The following DHX34 variants were observed in gnomAD, a reference collection of about 807,000 sequenced individuals.
DHX34 encodes DExH-box helicase 34.
In DHX34, 96 loss-of-function variants were observed where a neutral mutation model predicts 111.1. That is an observed-to-expected ratio of 0.86 (90% confidence interval 0.73 to 1.02). DHX34 has a LOEUF of 1.02. Among genes scored for constraint, DHX34 ranks in the 50% least tolerant of loss-of-function variants. DHX34 has a pLI of 0.00. For synonymous variants in DHX34, 688 were observed against 670.4 expected (o/e 1.03, Z -0.41); for missense variants, 1,560 against 1,579.9 (o/e 0.99, Z 0.21).
intron 12 of DHX34, 148 bp downstream of exon 12, chr19:47,376,708 G>T: frequency 7.0e-7 from 1 of 1,430,202 alleles, no homozygotes. Flanking sequence ...CCAGGGCCAG[G>T]CCTCCCTGGG....
intron 7 of DHX34, among the ~76,000 whole-genome samples, chr19:47,371,073 C>T (rs968174424): frequency 5.3e-5 from 8 of 152,228 alleles, no homozygotes; most frequent in African/African-American, 1.9e-4. Flanking sequence ...CGGCGAAAGG[C>T]TCTGTGGACT....
In DHX34 at chr19:47,382,196, C is replaced by G; in HGVS notation, c.*83C>G. The G allele has an allele frequency of 6.4e-7, 1 of 1,560,346 alleles. No homozygotes were observed. The highest frequency in any genetic ancestry group is 8.7e-7 in the Non-Finnish European group (1 of 1,155,434). On this transcript the variant is annotated 3_prime_UTR_variant, in exon 17 of 17. Coordinates refer to ENST00000328771, the MANE Select transcript of DHX34 (RefSeq NM_014681.6). Reference sequence around the variant, plus strand: ...TAGGGGCAGGACTCTTGCCTGAACCCCCAGCCTGGGCTTAGCCCTGTGGTC... The same window carrying G: ...TAGGGGCAGGACTCTTGCCTGAACCGCCAGCCTGGGCTTAGCCCTGTGGTC...
Position 47,357,927 on chromosome 19 carries a change from G to A in DHX34, c.1079G>A (p.Arg360Gln), listed in dbSNP as rs369619890. 20 of 1,613,898 alleles carry A rather than the reference G, an allele frequency of 1.2e-5. No homozygotes were observed. The African/African-American group carries it at 1.6e-4, about 13-fold the overall frequency. Reference protein sequence around the residue: ...TTSKSEKLDPRPFLRVLESID... With the variant: ...TTSKSEKLDPQPFLRVLESID... ...TCCAAGTCAGAGAAGCTGGACCCGC[G>A]GCCTTTCCTGAGGGTGCTGGAGTCC... The change falls in exon 4 of 17, where the codon CGG (arginine) becomes CAG (glutamine). Residue 360 changes from arginine (R) to glutamine (Q), a missense_variant. Physicochemically the swap from Arg to Gln is conservative, Grantham distance 43. Coordinates refer to ENST00000328771, the MANE Select transcript of DHX34 (RefSeq NM_014681.6).
At chr19:47,371,067 G>A (rs777893968) in intron 7 of DHX34, among the ~76,000 whole-genome samples, 122 of 152,358 alleles carry the variant, frequency 8.0e-4, no homozygotes, top group Middle Eastern at 6.8e-3. Context: ...GTGTGCCGGC[G>A]AAAGGCTCTG....
chr19:47,379,825 C>A lies in DHX34; in HGVS notation c.2822C>A (p.Ala941Glu), dbSNP rs139543869. The change falls in exon 14 of 17, where the codon GCG becomes GAG. Residue 941 changes from alanine (A) to glutamate (E), a missense_variant. Ala to Glu is a moderately radical substitution (Grantham distance 107). Transcript: ENST00000328771. ...AGTGAAAGTGCCATCCGACTCCTGG[C>A]GGCTTCCCTGCGGCTCCGTGCCCGC... ...ADSESAIRLL[A>E]ASLRLRARWE... 118 of 1,613,676 alleles carry A rather than the reference C, an allele frequency of 7.3e-5. No individual in the cohort carries two copies. In the Middle Eastern group the frequency reaches 8.3e-4, roughly 11 times the overall value.
rs1176038484 is a variant in DHX34 at position 47,375,433 on chromosome 19, C to T, written c.2065-33C>T. On this transcript the variant is annotated intron_variant, in intron 9 of 16. Transcript: ENST00000328771. ...GAGTCCAGAGCCCACTGAGTCTGCC[C>T]TGAGGCCCTCACCCCTACCCACCTG... 1.9e-6 allele frequency: 3 copies of T among 1,554,726 alleles called. No individual in the cohort carries two copies. The South Asian group carries it at 3.6e-5, about 19-fold the overall frequency.
Position 47,376,547 on chromosome 19 carries a change from C to A in DHX34, c.2586C>A (p.Cys862Ter). The change falls in exon 12 of 17, where the codon TGC (cysteine) becomes TGA (stop). Residue 862 changes from cysteine to a stop codon, truncating the protein, a stop_gained. Transcript: ENST00000328771. LOFTEE classifies it high-confidence loss of function. ...CACAGGAGCTGGAGGCCAGCAACTG[C>A]GACGGAAGCCGAGGTACAGTGAGCC... The part of the protein sequence containing the change: ...LHAQELEASN[C>*]DGSRDDKDKM... The A allele has an allele frequency of 6.4e-7, 1 of 1,561,906 alleles. No homozygotes were observed.
chr19:47,363,841 C>A (rs1359042071), intron 6 of DHX34, among the ~76,000 whole-genome samples: 3 of 151,136 alleles, frequency 2.0e-5, no homozygotes, highest in East Asian at 3.9e-4. Context: ...AAAAAAATGT[C>A]CATAGGGTCA....
chr19:47,375,306 T>C, intron 9 of DHX34, 160 bp from the exon 10 acceptor site: 1 of 985,436 alleles, frequency 1.0e-6, no homozygotes, highest in Non-Finnish European at 1.2e-6. Flanking sequence ...AGGACAGCTC[T>C]CTCTCTGGAG....
chr19:47,381,538 C>T (rs1212751997), intron 16 of DHX34: 32 of 655,258 alleles, frequency 4.9e-5, no homozygotes, highest in Non-Finnish European at 7.4e-5. Flanking sequence ...TCTGCCTGTC[C>T]CCTGTGGTGT....
At chr19:47,381,689 G>T in intron 16 of DHX34, 1 of 682,176 alleles carries the variant, frequency 1.5e-6, no homozygotes, top group Non-Finnish European at 2.3e-6. Flanking sequence ...GGGTTCAGTG[G>T]GGGAGATAGC....
At chr19:47,366,505 T>G (rs1459891494) in intron 6 of DHX34, among the ~76,000 whole-genome samples, 1 of 152,066 alleles carries the variant, frequency 6.6e-6, no homozygotes, top group Non-Finnish European at 1.5e-5. Context: ...GGTCTCAAAC[T>G]CCTGACCTCA....
chr19:47,370,003 A>G (rs1969916709), intron 7 of DHX34, among the ~76,000 whole-genome samples: 1 of 151,980 alleles, frequency 6.6e-6, no homozygotes, highest in African/African-American at 2.4e-5. Flanking sequence ...TAGGGCGTTA[A>G]TCTTGAGGGA....
In DHX34 at chr19:47,382,677, A is replaced by G. The variant is rs1482370861; in HGVS notation, c.*564A>G. 6.6e-6 allele frequency: 1 copy of G among 152,378 alleles called. No homozygotes were observed. The highest frequency in any genetic ancestry group is 6.6e-5 in the Admixed American group (1 of 15,240). The allele number at this position is 152,378 out of a possible 1,614,324, so 9.4% of individuals were successfully genotyped here. A position where few individuals can be genotyped will look rare whatever the true frequency, so the allele number is the denominator to read the frequency against. On this transcript the variant is annotated 3_prime_UTR_variant, in exon 17 of 17. Transcript: ENST00000328771. Reference sequence around the variant, plus strand: ...GGCATGGTTGCTCACTCCCGTAATAAAAAAATAAAAGAACAGGCTGAGCCG... The same window carrying G: ...GGCATGGTTGCTCACTCCCGTAATAGAAAAATAAAAGAACAGGCTGAGCCG...
Position 47,353,767 on chromosome 19 carries a change from C to G in DHX34, c.705+32C>G. 6.7e-7 allele frequency: 1 copy of G among 1,500,786 alleles called. No individual in the cohort carries two copies. The highest frequency in any genetic ancestry group is 8.9e-7 in the Non-Finnish European group (1 of 1,121,788). The allele number at this position is 1,500,786 out of a possible 1,614,324, so 93.0% of individuals were successfully genotyped here. Reference sequence around the variant, plus strand: ...GGGACGCACCAGGTTTCCGATTTTTCCAGCGTGACCTTGGGGGAATAGGTT... The same window carrying G: ...GGGACGCACCAGGTTTCCGATTTTTGCAGCGTGACCTTGGGGGAATAGGTT... On this transcript the variant is annotated intron_variant, in intron 2 of 16. Transcript: ENST00000328771. This position sits in a 1 kb window ranked among gnomAD's most constrained non-coding sequence, Gnocchi z 4.6.
At chr19:47,367,423 T>C (rs975597693) in intron 7 of DHX34, among the ~76,000 whole-genome samples, 4 of 152,052 alleles carry the variant, frequency 2.6e-5, no homozygotes, top group African/African-American at 9.7e-5. Context: ...GTAGATCAGA[T>C]GGTGCCTAGT....
chr19:47,367,244 G>C lies in DHX34; in HGVS notation c.1768+89G>C, dbSNP rs1000721507. On this transcript the variant is annotated intron_variant, in intron 7 of 16. Coordinates refer to ENST00000328771, the MANE Select transcript of DHX34 (RefSeq NM_014681.6). ...CTCTGAGTGGCCTGGGGGCAAGTCT[G>C]TTTCTTCCCTGGGTCCAGTTCATTT... is the stretch of plus-strand genomic sequence containing the variant. 8 of 1,285,748 alleles carry C rather than the reference G, an allele frequency of 6.2e-6. No homozygotes were observed. The Admixed American group carries it at 1.2e-4, about 19-fold the overall frequency. 79.6% of individuals were successfully genotyped at this position (1,285,748 alleles called of 1,614,324 possible). A position where few individuals can be genotyped will look rare whatever the true frequency, so the allele number is the denominator to read the frequency against.
chr19:47,381,840 A>T, intron 16 of DHX34, 140 bp from the exon 17 acceptor site: 1 of 1,485,804 alleles, frequency 6.7e-7, no homozygotes, highest in Non-Finnish European at 8.9e-7. Context: ...TTAATCTGGG[A>T]GGGCTTCCTG....
At chr19:47,373,478 T>C in intron 8 of DHX34, 121 bp from the exon 9 acceptor site, 2 of 1,463,862 alleles carry the variant, frequency 1.4e-6, no homozygotes, top group Non-Finnish European at 1.8e-6. Context: ...GGCTGAGACC[T>C]GGAAGCAGGA....
Sources: gnomAD v4.1 joint callset for allele counts (sites outside exome capture counted in the v4.1 genomes callset) on GRCh38, gnomAD v4.1.1 for gene constraint, Gnocchi (gnomAD v3.1) non-coding constraint, MANE v1.5 for transcripts, NCBI Gene and HGNC (gene_info 2026-07-23, HGNC 2026-07-21) for gene names.